Variants in MMD2 observed in about 807,000 individuals in gnomAD.
MMD2 encodes the protein monocyte to macrophage differentiation factor 2.
A neutral mutation model predicts 33.5 loss-of-function variants in MMD2; 30 were observed. The observed-to-expected ratio is 0.90, with a 90% CI of 0.67 to 1.22. MMD2 has a LOEUF of 1.22. Among genes scored for constraint, MMD2 ranks in the 50% most tolerant of loss-of-function variants. MMD2 has a pLI of 0.00. For missense variants in MMD2, 364 were observed against 325.4 expected (o/e 1.12, Z -0.91); for synonymous variants, 129 against 123.0 (o/e 1.05, Z -0.32).
At chr7:4,910,077 C>G in intron 5 of MMD2, 127 bp from the exon 6 acceptor site, 1 of 1,591,172 alleles carries the variant, frequency 6.3e-7, no homozygotes, top group Non-Finnish European at 8.6e-7. Flanking sequence ...GACGCTTTCT[C>G]TGTCCAGCAC....
intron 2 of MMD2, among the ~76,000 whole-genome samples, chr7:4,921,804 G>T (rs1228290066): frequency 2.0e-5 from 3 of 152,132 alleles, no homozygotes; most frequent in African/African-American, 7.2e-5. Flanking sequence ...CAACAGCAAT[G>T]CACCAGAATG....
chr7:4,938,370 G>T (rs576979677), intron 1 of MMD2, among the ~76,000 whole-genome samples: 3 of 152,154 alleles, frequency 2.0e-5, no homozygotes, highest in East Asian at 1.9e-4. Flanking sequence ...GACTGTGTCT[G>T]GTGGGGGCCT....
the MMD2 span, among the ~76,000 whole-genome samples, chr7:4,895,131 G>A: frequency 6.6e-6 from 1 of 150,508 alleles, no homozygotes; most frequent in African/African-American, 2.5e-5. Context: ...AGACTGGAGT[G>A]CAGTGGCCCA....
At position 4,946,754 on chromosome 7, in the gene MMD2, C is replaced by T. The variant is rs1197319817; in HGVS notation, c.47+12217G>A. Among the ~76,000 whole-genome samples, 2 of 152,120 alleles carry T rather than the reference C, an allele frequency of 1.3e-5. No individual in the cohort carries two copies. The highest frequency in any genetic ancestry group is 6.6e-5 in the Admixed American group (1 of 15,248). On this transcript the variant is annotated intron_variant, in intron 1 of 6. Coordinates refer to ENST00000401401, the MANE Select transcript of MMD2 (RefSeq NM_198403.4). This position sits in a 1 kb window ranked among gnomAD's most constrained non-coding sequence, Gnocchi z 5.0. ...CTTTCTTCCTTCTTATTTTTAGAGA[C>T]AGGGTCTGGTTCTGTTGCCCAAGCT... is the stretch of plus-strand genomic sequence containing the variant.
chr7:4,913,808 C>A (rs1785074134), intron 4 of MMD2, among the ~76,000 whole-genome samples: 1 of 150,640 alleles, frequency 6.6e-6, no homozygotes, highest in South Asian at 2.1e-4. Context: ...ACCACAGGTG[C>A]CTGCCACCAC....
intron 2 of MMD2, 33 bp downstream of exon 2, chr7:4,925,418 T>G: frequency 7.7e-7 from 1 of 1,294,076 alleles, no homozygotes; most frequent in Non-Finnish European, 1.1e-6. Context: ...AGTGTCCCCA[T>G]CTCAGCCCTG....
downstream of MMD2, among the ~76,000 whole-genome samples, chr7:4,902,667 G>A (rs1361146721): frequency 6.6e-6 from 1 of 152,202 alleles, no homozygotes; most frequent in African/African-American, 2.4e-5. Flanking sequence ...GGAAGTGGGT[G>A]CTGGAATTGT....
At chr7:4,931,041 G>A (rs1785572447) in intron 1 of MMD2, among the ~76,000 whole-genome samples, 3 of 152,080 alleles carry the variant, frequency 2.0e-5, no homozygotes, top group Admixed American at 2.0e-4. Context: ...AGTAGAGATG[G>A]GGTTTCACCA....
At chr7:4,947,438 G>A (rs1398166642) in intron 1 of MMD2, among the ~76,000 whole-genome samples, 1 of 150,676 alleles carries the variant, frequency 6.6e-6, no homozygotes, top group Non-Finnish European at 1.5e-5. Context: ...CTGTTGCACA[G>A]GCTGGAGTGC....
chr7:4,958,833 C>G, intron 1 of MMD2, 138 bp downstream of exon 1: 1 of 744,332 alleles, frequency 1.3e-6, no homozygotes, highest in Non-Finnish European at 1.8e-6. Flanking sequence ...TCCTGGTTTT[C>G]TCGGGCGGGG....
the MMD2 span, among the ~76,000 whole-genome samples, chr7:4,892,989 C>G: frequency 3.9e-5 from 6 of 152,176 alleles, no homozygotes; most frequent in Non-Finnish European, 5.9e-5. Flanking sequence ...GCTGGGATTA[C>G]AGGCGCGAGC....
At chr7:4,917,162 A>G (rs1785162356) in intron 3 of MMD2, among the ~76,000 whole-genome samples, 1 of 152,120 alleles carries the variant, frequency 6.6e-6, no homozygotes, top group Admixed American at 6.6e-5. Context: ...AGTGGTTCGG[A>G]TCCAAGCTGT....
rs1225058939 is a variant in MMD2 at position 4,950,041 on chromosome 7, G to T, written c.47+8930C>A. 1.5e-4 allele frequency among the ~76,000 whole-genome samples: 22 copies of T among 151,644 alleles called. No individual in the cohort carries two copies. The Admixed American group carries it at 1.5e-3, about 10-fold the overall frequency. On this transcript the variant is annotated intron_variant, in intron 1 of 6. Transcript: ENST00000401401. ...AATGTACTATCCTAACCATTTTTAA[G>T]CATACAATTTGCTGTCATTAAGTAC...
At chr7:4,945,874 C>CTCTTTCCT (rs1372206843) in intron 1 of MMD2, among the ~76,000 whole-genome samples, 81 of 152,354 alleles carry the variant, frequency 5.3e-4, no homozygotes, top group African/African-American at 1.7e-3. Flanking sequence ...CGCACCCGGC[C>CTCTTTCCT]TCTTTCCTTC....
At chr7:4,944,760 C>CTTCTTT (rs753515128) in intron 1 of MMD2, among the ~76,000 whole-genome samples, 5 of 75,300 alleles carry the variant, frequency 6.6e-5, no homozygotes, top group African/African-American at 2.9e-4. Context: ...TCTTCTTCTT[C>CTTCTTT]TTTTTTTTTT....
chr7:4,905,619 T>C (rs1784852845), downstream of MMD2, among the ~76,000 whole-genome samples: 1 of 152,082 alleles, frequency 6.6e-6, no homozygotes. The surrounding 1 kb of genome is among the most constrained non-coding windows in gnomAD (Gnocchi z 5.0). Context: ...GTGCCACGCC[T>C]TGGGAGGTCT....
intron 1 of MMD2, among the ~76,000 whole-genome samples, chr7:4,932,243 G>A (rs1785607826): frequency 6.6e-6 from 1 of 152,150 alleles, no homozygotes. Flanking sequence ...GGAGAGGGGA[G>A]AGGGAGGCCC....
intron 1 of MMD2, among the ~76,000 whole-genome samples, chr7:4,934,442 G>C (rs1785682045): frequency 6.6e-6 from 1 of 152,204 alleles, no homozygotes; most frequent in South Asian, 2.1e-4. Flanking sequence ...AGATAAAATT[G>C]AGACTGTGTT....
downstream of MMD2, among the ~76,000 whole-genome samples, chr7:4,902,558 C>T (rs1203575469): frequency 6.6e-6 from 1 of 152,150 alleles, no homozygotes; most frequent in Non-Finnish European, 1.5e-5. Flanking sequence ...ACTGGCACCC[C>T]GGAGGAGACC....
Sources: gnomAD v4.1 joint callset for allele counts (sites outside exome capture counted in the v4.1 genomes callset) on GRCh38, gnomAD v4.1.1 for gene constraint, Gnocchi (gnomAD v3.1) non-coding constraint, MANE v1.5 for transcripts, NCBI Gene and HGNC (gene_info 2026-07-23, HGNC 2026-07-21) for gene names.